Variants in TBC1D1 observed in about 807,000 individuals in gnomAD.
The protein encoded by TBC1D1 is TBC1 domain family member 1.
In TBC1D1, 89 loss-of-function variants were observed where a neutral mutation model predicts 125.6. The ratio of observed to expected loss-of-function variants is 0.71; its 90% CI spans 0.60 to 0.85. The LOEUF is 0.85. TBC1D1 is among the 40% of genes least tolerant of loss of function. TBC1D1 has a pLI of 0.00. For synonymous variants in TBC1D1, 565 were observed against 564.1 expected (o/e 1.00, Z -0.02); for missense variants, 1,377 against 1,469.2 (o/e 0.94, Z 1.03).
chr4:37,935,259 T>C (rs1724153883), intron 2 of TBC1D1, among the ~76,000 whole-genome samples: 1 of 152,290 alleles, frequency 6.6e-6, no homozygotes, highest in South Asian at 2.1e-4. Context: ...TGATCCTAGG[T>C]TCCTTCCTCC....
intron 7 of TBC1D1, among the ~76,000 whole-genome samples, chr4:38,033,774 C>T (rs1746671600): frequency 6.6e-6 from 1 of 152,150 alleles, no homozygotes; most frequent in Non-Finnish European, 1.5e-5. Context: ...TCCAGCATGT[C>T]ATGTAGTTGG....
intron 14 of TBC1D1, among the ~76,000 whole-genome samples, chr4:38,099,810 G>A (rs1759993392): frequency 1.3e-5 from 2 of 152,058 alleles, no homozygotes; most frequent in Admixed American, 1.3e-4. Flanking sequence ...AAAAACATTG[G>A]GTCCAACCTG....
At chr4:37,918,824 C>A (rs1011438218) in intron 2 of TBC1D1, among the ~76,000 whole-genome samples, 2 of 152,166 alleles carry the variant, frequency 1.3e-5, no homozygotes, top group African/African-American at 4.8e-5. Flanking sequence ...TACAGTTCCC[C>A]TGTCAACTAT....
chr4:37,922,565 A>G (rs909826967), intron 2 of TBC1D1, among the ~76,000 whole-genome samples: 1 of 152,124 alleles, frequency 6.6e-6, no homozygotes. Context: ...CTCCACCCTC[A>G]TCTGTACTCG....
intron 12 of TBC1D1, among the ~76,000 whole-genome samples, chr4:38,083,580 T>C (rs1756948266): frequency 6.6e-6 from 1 of 152,232 alleles, no homozygotes; most frequent in African/African-American, 2.4e-5. Flanking sequence ...TTTCCACACA[T>C]TTACCTACTT....
At chr4:37,985,129 A>G (rs1423116085) in intron 2 of TBC1D1, among the ~76,000 whole-genome samples, 1 of 151,680 alleles carries the variant, frequency 6.6e-6, no homozygotes, top group Non-Finnish European at 1.5e-5. Context: ...ATTTTTTTGT[A>G]TTTTTAGTAG....
intron 2 of TBC1D1, among the ~76,000 whole-genome samples, chr4:38,007,280 T>C (rs928940861): frequency 6.6e-6 from 1 of 152,000 alleles, no homozygotes; most frequent in Non-Finnish European, 1.5e-5. Flanking sequence ...TGAGACGGAG[T>C]CTTGCTCTGT....
intron 17 of TBC1D1, among the ~76,000 whole-genome samples, chr4:38,122,283 GA>G (rs2152603175): frequency 6.6e-6 from 1 of 152,324 alleles, no homozygotes; most frequent in African/African-American, 2.4e-5. Context: ...GACCTAGTGA[GA>G]AAAGGAACAA....
intron 2 of TBC1D1, among the ~76,000 whole-genome samples, chr4:38,011,410 G>C (rs896286976): frequency 2.0e-5 from 3 of 151,610 alleles, no homozygotes; most frequent in African/African-American, 7.3e-5. Flanking sequence ...GGTCCATTCT[G>C]GTAGAGGGTT....
Position 38,044,501 on chromosome 4 carries a change from T to C in TBC1D1, c.1542+11T>C. The C allele has an allele frequency of 6.2e-7, 1 of 1,600,600 alleles. No individual in the cohort carries two copies. Among genetic ancestry groups the C allele is most frequent in the Non-Finnish European group, 8.5e-7 (1 of 1,176,254 alleles). On this transcript the variant is annotated intron_variant, in intron 9 of 19. Transcript: ENST00000261439. ...AGTATTTTGTCCCGGGTAAGTAGCA[T>C]AATTTCTCCTGATTTAAGTTAAATC...
At chr4:37,960,106 C>T (rs1729684535) in intron 2 of TBC1D1, among the ~76,000 whole-genome samples, 1 of 152,040 alleles carries the variant, frequency 6.6e-6, no homozygotes, top group South Asian at 2.1e-4. Flanking sequence ...GTTGCTCTGC[C>T]CTTTACCTAA....
intron 2 of TBC1D1, among the ~76,000 whole-genome samples, chr4:37,907,665 T>G (rs1211183954): frequency 6.6e-6 from 1 of 152,204 alleles, no homozygotes; most frequent in African/African-American, 2.4e-5. Context: ...ACATGGTAAG[T>G]AAATGGACAT....
At position 38,133,030 on chromosome 4, in the gene TBC1D1, A is replaced by G. The variant is rs565498473; in HGVS notation, c.3133-54A>G. ...GTCGTGATTGCAGACGCCTGCCTGT[A>G]CTTGTGGGGTTTTTCTCAGTTTTAG... On this transcript the variant is annotated intron_variant, in intron 18 of 19. Coordinates refer to ENST00000261439, the MANE Select transcript of TBC1D1 (RefSeq NM_015173.4). 9.0e-5 allele frequency: 139 copies of G among 1,541,374 alleles called. No individual in the cohort carries two copies. The East Asian group carries it at 2.9e-3, about 33-fold the overall frequency.
chr4:38,130,673 G>A (rs376075587), intron 18 of TBC1D1, among the ~76,000 whole-genome samples: 13 of 152,328 alleles, frequency 8.5e-5, no homozygotes, highest in African/African-American at 2.6e-4. Context: ...CTCAGGGAAC[G>A]GCTTAGGCAA....
intron 12 of TBC1D1, among the ~76,000 whole-genome samples, chr4:38,064,626 CTTT>C (rs71190945): frequency 5.1e-5 from 7 of 138,242 alleles, no homozygotes; most frequent in African/African-American, 2.6e-5. Flanking sequence ...AGCTACATTT[CTTT>C]TTTTTTTTTT....
chr4:37,916,359 C>CAT (rs34900699), intron 2 of TBC1D1, among the ~76,000 whole-genome samples: 13,102 of 150,470 alleles, frequency 0.087, 665 homozygotes, highest in East Asian at 0.2. Context: ...TGTATATATA[C>CAT]ATATATATAT....
At chr4:38,045,700 A>G (rs1021479862) in intron 9 of TBC1D1, 117 bp from the exon 10 acceptor site, 7 of 699,482 alleles carry the variant, frequency 1.0e-5, no homozygotes, top group Non-Finnish European at 1.8e-5. Flanking sequence ...CCTTAGTAGC[A>G]TTTCTCAGTA....
At chr4:37,948,740 C>T (rs1727243175) in intron 2 of TBC1D1, among the ~76,000 whole-genome samples, 2 of 152,112 alleles carry the variant, frequency 1.3e-5, no homozygotes, top group Admixed American at 1.3e-4. Flanking sequence ...GGCACTCCCC[C>T]AAAAAACCTG....
intron 12 of TBC1D1, among the ~76,000 whole-genome samples, chr4:38,084,837 C>G (rs1253468120): frequency 1.3e-5 from 2 of 151,922 alleles, no homozygotes; most frequent in Non-Finnish European, 2.9e-5. Flanking sequence ...GAATAAGGAT[C>G]TGTCTACTCG....
Sources: gnomAD v4.1 joint callset for allele counts (sites outside exome capture counted in the v4.1 genomes callset) on GRCh38, gnomAD v4.1.1 for gene constraint, MANE v1.5 for transcripts, NCBI Gene and HGNC (gene_info 2026-07-23, HGNC 2026-07-21) for gene names.